KAZN: variants seen among roughly 807,000 people sequenced by gnomAD.
KAZN encodes kazrin, periplakin interacting protein.
Under a neutral mutation model 87.4 loss-of-function variants are expected in KAZN, and 40 were observed. That is an observed-to-expected ratio of 0.46 (90% CI 0.36 to 0.60). The LOEUF is 0.60. KAZN is among the 20% of genes least tolerant of loss of function. The pLI, the probability that KAZN is intolerant of heterozygous loss-of-function variation, is 0.00. For synonymous variants in KAZN, 466 were observed against 458.3 expected, an observed-to-expected ratio of 1.02 and a Z score of -0.22; for missense variants, 898 against 1,073.9, an observed-to-expected ratio of 0.84 and a Z score of 2.29.
intron 2 of KAZN, among the ~76,000 whole-genome samples, chr1:14,315,771 G>A (rs2100824232): frequency 6.6e-6 from 1 of 152,140 alleles, no homozygotes; most frequent in East Asian, 1.9e-4. Context: ...CCTTGAAAGT[G>A]TATACCATAA....
At chr1:14,237,020 C>T (rs1571103029) in intron 2 of KAZN, among the ~76,000 whole-genome samples, 1 of 152,174 alleles carries the variant, frequency 6.6e-6, no homozygotes, top group South Asian at 2.1e-4. Context: ...AACTAACCTA[C>T]AGGGGCATAT....
intron 1 of KAZN, among the ~76,000 whole-genome samples, chr1:13,973,323 T>C (rs1642199254): frequency 6.6e-6 from 1 of 152,186 alleles, no homozygotes; most frequent in South Asian, 2.1e-4. Context: ...CACCCTGCTT[T>C]ATTCCCTAGG....
intron 1 of KAZN, among the ~76,000 whole-genome samples, chr1:14,604,427 T>G (rs1439941399): frequency 6.6e-6 from 1 of 152,154 alleles, no homozygotes; most frequent in African/African-American, 2.4e-5. Flanking sequence ...CAGGCCCATC[T>G]CAGTTGTGGA....
chr1:13,912,144 C>A (rs542973527), intron 1 of KAZN, among the ~76,000 whole-genome samples: 1 of 152,194 alleles, frequency 6.6e-6, no homozygotes, highest in Admixed American at 6.5e-5. Context: ...CGATCAAAGG[C>A]AGCTTCCCAG....
intron 2 of KAZN, among the ~76,000 whole-genome samples, chr1:14,486,866 G>A (rs546347012): frequency 6.6e-6 from 1 of 152,270 alleles, no homozygotes; most frequent in South Asian, 2.1e-4. Context: ...GTTTGACCTC[G>A]AGCCTAAATT....
intron 1 of KAZN, among the ~76,000 whole-genome samples, chr1:13,987,676 GAGAA>G (rs898482056): frequency 7.6e-5 from 11 of 145,572 alleles, no homozygotes; most frequent in Non-Finnish European, 1.5e-4. Flanking sequence ...AAGAGAGGGA[GAGAA>G]AGAGAGAGAG....
At chr1:14,244,399 A>G (rs1379663392) in intron 2 of KAZN, among the ~76,000 whole-genome samples, 1 of 152,056 alleles carries the variant, frequency 6.6e-6, no homozygotes, top group Non-Finnish European at 1.5e-5. Flanking sequence ...TTTATTACAC[A>G]TTTCCCTGTT....
chr1:14,056,528 C>A (rs562152164), intron 1 of KAZN, among the ~76,000 whole-genome samples: 87 of 152,358 alleles, frequency 5.7e-4, no homozygotes, highest in African/African-American at 2.1e-3. Flanking sequence ...TCATTTCAGG[C>A]TTTTGATCTC....
At chr1:13,910,514 A>C (rs1244869306) in intron 1 of KAZN, among the ~76,000 whole-genome samples, 1 of 151,788 alleles carries the variant, frequency 6.6e-6, no homozygotes, top group Non-Finnish European at 1.5e-5. Flanking sequence ...CTAAAAAAAA[A>C]AAAGTGTGTG....
At chr1:14,921,303 G>T in intron 1 of KAZN, among the ~76,000 whole-genome samples, 1 of 152,192 alleles carries the variant, frequency 6.6e-6, no homozygotes, top group Non-Finnish European at 1.5e-5. Flanking sequence ...ACGTATGTGC[G>T]CTTCAGGAGG....
At chr1:14,872,985 CAT>C (rs1187790993) in intron 1 of KAZN, among the ~76,000 whole-genome samples, 1 of 123,292 alleles carries the variant, frequency 8.1e-6, no homozygotes, top group Non-Finnish European at 1.6e-5. Flanking sequence ...AGTAGAAGAA[CAT>C]ATAGAAGGAT....
At chr1:13,942,248 T>C (rs1334308560) in intron 1 of KAZN, among the ~76,000 whole-genome samples, 1 of 151,920 alleles carries the variant, frequency 6.6e-6, no homozygotes, top group East Asian at 1.9e-4. Flanking sequence ...TGGAGAAAAA[T>C]ATAATTCACC....
chr1:14,076,608 A>G (rs1557455467), intron 1 of KAZN, among the ~76,000 whole-genome samples: 3 of 152,078 alleles, frequency 2.0e-5, no homozygotes, highest in Admixed American at 6.5e-5. Flanking sequence ...TGACAACCCA[A>G]AATGCTTCCA....
At chr1:14,725,211 A>ATGT (rs1643319347) in intron 1 of KAZN, among the ~76,000 whole-genome samples, 1 of 152,116 alleles carries the variant, frequency 6.6e-6, no homozygotes, top group Non-Finnish European at 1.5e-5. Context: ...CTCATTTCAA[A>ATGT]TGTTATCACC....
At chr1:14,267,214 C>T (rs1047732294) in intron 2 of KAZN, among the ~76,000 whole-genome samples, 1 of 151,750 alleles carries the variant, frequency 6.6e-6, no homozygotes, top group Non-Finnish European at 1.5e-5. Context: ...CAACTATTTA[C>T]ATAGAATTTA....
At position 14,856,228 on chromosome 1, in the gene KAZN, G is replaced by A. The variant is rs1296640404; in HGVS notation, c.227-104456G>A. 1.3e-5 allele frequency among the ~76,000 whole-genome samples: 2 copies of A among 152,004 alleles called. No homozygotes were observed. Among genetic ancestry groups the A allele is most frequent in the African/African-American group, 4.8e-5 (2 of 41,376 alleles). ...GGGGAGGGGATGAAAAGAGGGGAAG[G>A]GAAGACCAGAAATAACTTTCCCCAC... On this transcript the variant is annotated intron_variant, in intron 1 of 14. Coordinates refer to ENST00000376030, the MANE Select transcript of KAZN (RefSeq NM_201628.3). This position sits in a 1 kb window ranked among gnomAD's most constrained non-coding sequence, Gnocchi z 5.2.
chr1:14,882,350 T>G (rs138205423), intron 1 of KAZN, among the ~76,000 whole-genome samples: 2 of 152,360 alleles, frequency 1.3e-5, no homozygotes, highest in African/African-American at 4.8e-5. Context: ...TCAGCGGCAG[T>G]AACATTGAAG....
At chr1:14,803,517 T>A (rs1646106675) in intron 1 of KAZN, among the ~76,000 whole-genome samples, 1 of 152,202 alleles carries the variant, frequency 6.6e-6, no homozygotes, top group Non-Finnish European at 1.5e-5. Flanking sequence ...GAGGGCCCCA[T>A]GCCAATGTTG....
At position 13,943,237 on chromosome 1, in the gene KAZN, G is replaced by A. The variant is rs1641006523; in HGVS notation, c.91+49481G>A. Among the ~76,000 whole-genome samples the A allele has an allele frequency of 3.3e-5, 5 of 152,234 alleles. No individual in the cohort carries two copies. In the South Asian group the frequency reaches 6.2e-4, roughly 19 times the overall value. On this transcript the variant is annotated intron_variant, in intron 1 of 16. Transcript: ENST00000636203. ...GATACTACTTTCAAAAGAGCAACAA[G>A]ACAAACAATTGACTTCCCTAAGGAC...
Sources: allele counts gnomAD v4.1 joint callset (sites outside exome capture counted in the v4.1 genomes callset), GRCh38; gene constraint gnomAD v4.1.1; non-coding constraint Gnocchi (gnomAD v3.1); transcripts MANE v1.5; gene names NCBI Gene and HGNC (gene_info 2026-07-23, HGNC 2026-07-21).